CENPP: variants seen among roughly 807,000 people sequenced by gnomAD.
The protein encoded by CENPP is centromere protein P.
In CENPP, 24 loss-of-function variants were observed where a neutral mutation model predicts 35.6. The ratio of observed to expected loss-of-function variants is 0.67; its 90% CI spans 0.49 to 0.95. The LOEUF is 0.95. Among genes scored for constraint, CENPP ranks in the 40% least tolerant of loss-of-function variants. The pLI, the probability that CENPP is intolerant of heterozygous loss-of-function variation, is 0.00. For synonymous variants in CENPP, 120 were observed against 125.5 expected (o/e 0.96, Z 0.29); for missense variants, 332 against 345.3 (o/e 0.96, Z 0.31).
intron 5 of CENPP, among the ~76,000 whole-genome samples, chr9:92,529,075 G>C (rs866732504): frequency 2.6e-5 from 4 of 152,134 alleles, no homozygotes; most frequent in African/African-American, 9.7e-5. Context: ...CAATGTGAGA[G>C]AGAAAAAATA....
At chr9:92,457,228 TA>T in intron 5 of CENPP, 1 of 1,576,636 alleles carries the variant, frequency 6.3e-7, no homozygotes, top group Non-Finnish European at 8.6e-7. Context: ...AGAGTTCAAG[TA>T]TTCCAAATGT....
intron 5 of CENPP, among the ~76,000 whole-genome samples, chr9:92,564,040 A>G (rs117205638): frequency 6.6e-6 from 1 of 152,260 alleles, no homozygotes; most frequent in East Asian, 1.9e-4. Flanking sequence ...ACTGATTGTA[A>G]TGTGGTGTAT....
chr9:92,552,668 A>G (rs1290121835), intron 5 of CENPP, among the ~76,000 whole-genome samples: 1 of 152,036 alleles, frequency 6.6e-6, no homozygotes, highest in Non-Finnish European at 1.5e-5. Flanking sequence ...TATTCGTGTC[A>G]TTAGCCCACT....
chr9:92,403,249 A>G (rs778949003), intron 5 of CENPP: 1 of 1,579,322 alleles, frequency 6.3e-7, no homozygotes, highest in South Asian at 1.1e-5. Context: ...TATTTTTTCC[A>G]TCCAGGTATT....
intron 5 of CENPP, among the ~76,000 whole-genome samples, chr9:92,598,630 C>T (rs889492090): frequency 2.0e-5 from 3 of 151,952 alleles, no homozygotes; most frequent in Admixed American, 1.3e-4. Context: ...ATGGCCAGCT[C>T]GGAACACACT....
chr9:92,412,034 A>G (rs1407093111), intron 5 of CENPP, among the ~76,000 whole-genome samples: 2 of 152,086 alleles, frequency 1.3e-5, no homozygotes, highest in African/African-American at 4.8e-5. Context: ...AGTCACATTC[A>G]ATACAATTCA....
chr9:92,457,975 C>A (rs1456473138), intron 5 of CENPP, among the ~76,000 whole-genome samples: 1 of 152,054 alleles, frequency 6.6e-6, no homozygotes, highest in Non-Finnish European at 1.5e-5. Flanking sequence ...GAATTAGGCT[C>A]ACAATTTGAT....
chr9:92,351,284 T>TGGA, intron 4 of CENPP, among the ~76,000 whole-genome samples: 1 of 151,516 alleles, frequency 6.6e-6, no homozygotes, highest in South Asian at 2.1e-4. Context: ...AGGTCAGGAG[T>TGGA]TCAAATCCAG....
intron 5 of CENPP, chr9:92,496,476 G>A (rs780853077): frequency 5.0e-6 from 8 of 1,608,586 alleles, no homozygotes; most frequent in Non-Finnish European, 6.8e-6. Context: ...TCTTCTGGAA[G>A]AATGTTCCTA....
chr9:92,403,298 T>A (rs952308907), intron 5 of CENPP: 2 of 1,612,224 alleles, frequency 1.2e-6, no homozygotes, highest in Non-Finnish European at 1.7e-6. Context: ...TTCTTCAAAA[T>A]TATCTGTTCC....
intron 5 of CENPP, among the ~76,000 whole-genome samples, chr9:92,508,220 T>C (rs149738525): frequency 6.4e-4 from 98 of 152,254 alleles, no homozygotes; most frequent in African/African-American, 2.2e-3. Flanking sequence ...CTGCAGTAGC[T>C]CTTAGAACTC....
chr9:92,581,378 A>G (rs550144781), intron 5 of CENPP, among the ~76,000 whole-genome samples: 2 of 152,110 alleles, frequency 1.3e-5, no homozygotes, highest in African/African-American at 4.8e-5. Context: ...ACCAAATAAG[A>G]TCCAAAATAT....
intron 5 of CENPP, among the ~76,000 whole-genome samples, chr9:92,524,564 A>C (rs185526973): frequency 5.9e-5 from 9 of 152,286 alleles, no homozygotes; most frequent in African/African-American, 2.2e-4. Context: ...TACAGCTGAG[A>C]AACACACACA....
intron 5 of CENPP, chr9:92,460,460 T>A (rs745859210): frequency 6.6e-7 from 1 of 1,514,530 alleles, no homozygotes; most frequent in Non-Finnish European, 9.2e-7. Context: ...AGTTAAAATT[T>A]TGGGAACGTT....
At chr9:92,328,076 C>A (rs571275647) in intron 1 of CENPP, among the ~76,000 whole-genome samples, 1 of 152,152 alleles carries the variant, frequency 6.6e-6, no homozygotes, top group South Asian at 2.1e-4. Context: ...TCTTTGGGGT[C>A]CCCTTGACCA....
At chr9:92,427,618 T>G (rs1317138531) in intron 5 of CENPP, among the ~76,000 whole-genome samples, 2 of 152,090 alleles carry the variant, frequency 1.3e-5, no homozygotes, top group African/African-American at 4.8e-5. Flanking sequence ...GTAGCTGGTA[T>G]TACAGGCATG....
intron 7 of CENPP, 113 bp from the exon 8 acceptor site, chr9:92,612,906 T>A: frequency 7.9e-7 from 1 of 1,264,988 alleles, no homozygotes; most frequent in Non-Finnish European, 1.1e-6. Context: ...TCCCATCCCA[T>A]GCAGCTAGTC....
At chr9:92,422,140 T>TC (rs1330237245) in intron 5 of CENPP, among the ~76,000 whole-genome samples, 1 of 152,106 alleles carries the variant, frequency 6.6e-6, no homozygotes, top group Non-Finnish European at 1.5e-5. Context: ...AACCTCCGCC[T>TC]CCCAGGCTCA....
rs1048758432 is a variant in CENPP, at chr9:92,370,565, C to T, written c.468-9198C>T. Among the ~76,000 whole-genome samples the T allele has an allele frequency of 2.0e-5, 3 of 152,132 alleles. No individual in the cohort carries two copies. In the East Asian group the frequency reaches 5.8e-4, roughly 29 times the overall value. ...GCATGATCTTGGCTCACTGCAACCTCCGCTTTCCGGGTTCAAGCGATTCTC... is the reference window on the plus strand; with the variant it reads ...GCATGATCTTGGCTCACTGCAACCTTCGCTTTCCGGGTTCAAGCGATTCTC... On this transcript the variant is annotated intron_variant, in intron 4 of 7. Transcript: ENST00000375587.
Sources: gnomAD v4.1 joint callset for allele counts (sites outside exome capture counted in the v4.1 genomes callset) on GRCh38, gnomAD v4.1.1 for gene constraint, MANE v1.5 for transcripts, NCBI Gene and HGNC (gene_info 2026-07-23, HGNC 2026-07-21) for gene names.